Variants in CPNE4 observed in about 807,000 individuals in gnomAD.
CPNE4 encodes the protein copine-4.
Under a neutral mutation model 67.9 loss-of-function variants are expected in CPNE4, and 25 were observed. That is an observed-to-expected ratio of 0.37 (90% CI 0.27 to 0.51). The LOEUF is 0.51. Among genes scored for constraint, CPNE4 ranks in the 20% least tolerant of loss-of-function variants. The pLI, the probability that CPNE4 is intolerant of heterozygous loss-of-function variation, is 0.93. For synonymous variants in CPNE4, 242 were observed against 244.9 expected, an observed-to-expected ratio of 0.99 and a Z score of 0.11; for missense variants, 464 against 690.8, an observed-to-expected ratio of 0.67 and a Z score of 3.68.
chr3:132,015,402 C>G (rs1377265696), intron 1 of CPNE4, among the ~76,000 whole-genome samples: 2 of 152,104 alleles, frequency 1.3e-5, no homozygotes, highest in African/African-American at 4.8e-5. Context: ...ACCCTTTCAA[C>G]CAAGTTTCAC....
intron 1 of CPNE4, among the ~76,000 whole-genome samples, chr3:131,976,421 T>C (rs1016888364): frequency 1.3e-5 from 2 of 152,124 alleles, no homozygotes; most frequent in Non-Finnish European, 2.9e-5. Flanking sequence ...ATGTGGCAAT[T>C]TGGGTCTGAG....
At chr3:131,645,941 G>C (rs538990668) in intron 7 of CPNE4, among the ~76,000 whole-genome samples, 7 of 152,250 alleles carry the variant, frequency 4.6e-5, no homozygotes, top group African/African-American at 1.7e-4. Flanking sequence ...AAAGGCTCAG[G>C]AGGCTCAAGA....
chr3:131,892,850 T>C (rs907626319), intron 2 of CPNE4, among the ~76,000 whole-genome samples: 1 of 151,046 alleles, frequency 6.6e-6, no homozygotes, highest in African/African-American at 2.4e-5. Flanking sequence ...AGAAAGAGAA[T>C]GGAAATATAG....
intron 1 of CPNE4, among the ~76,000 whole-genome samples, chr3:131,922,829 A>G (rs188856979): frequency 1.3e-5 from 2 of 152,338 alleles, no homozygotes; most frequent in East Asian, 3.9e-4. Flanking sequence ...TGTATCCTCT[A>G]AAAGTGTTAT....
At chr3:131,738,443 TAAAGG>T (rs2082287141) in intron 2 of CPNE4, among the ~76,000 whole-genome samples, 1 of 145,928 alleles carries the variant, frequency 6.9e-6, no homozygotes, top group South Asian at 2.3e-4. Flanking sequence ...TTTGGCTCCA[TAAAGG>T]AAGACCTTTC....
intron 1 of CPNE4, among the ~76,000 whole-genome samples, chr3:131,964,589 A>G (rs997946500): frequency 2.6e-5 from 4 of 151,846 alleles, no homozygotes; most frequent in Admixed American, 6.6e-5. Flanking sequence ...ACGAGCATCA[A>G]TAGCTGAATC....
chr3:131,822,474 T>A (rs777475660), intron 2 of CPNE4, among the ~76,000 whole-genome samples: 1 of 152,338 alleles, frequency 6.6e-6, no homozygotes, highest in East Asian at 1.9e-4. Context: ...TTCATATCCA[T>A]ATATAATTCA....
At chr3:131,956,851 A>G (rs9869084) in intron 1 of CPNE4, among the ~76,000 whole-genome samples, 78,629 of 152,014 alleles carry the variant, frequency 0.52, 21,736 homozygotes, top group Admixed American at 0.67. Flanking sequence ...AGAGAAAGAG[A>G]ATTAAAGACT....
At chr3:131,956,893 T>A (rs1413786013) in intron 1 of CPNE4, among the ~76,000 whole-genome samples, 1 of 152,250 alleles carries the variant, frequency 6.6e-6, no homozygotes, top group African/African-American at 2.4e-5. Context: ...TTAGCCTTGT[T>A]ATATTCTTCA....
At chr3:131,590,316 C>T (rs1488213525) in intron 7 of CPNE4, among the ~76,000 whole-genome samples, 2 of 152,126 alleles carry the variant, frequency 1.3e-5, no homozygotes, top group Non-Finnish European at 2.9e-5. Flanking sequence ...GACAGCTTGA[C>T]AGGTAAATCT....
intron 1 of CPNE4, among the ~76,000 whole-genome samples, chr3:131,947,735 C>A (rs1173347172): frequency 6.6e-6 from 1 of 152,062 alleles, no homozygotes; most frequent in Non-Finnish European, 1.5e-5. Context: ...GATTTATAAT[C>A]CTTTGGGTAT....
intron 2 of CPNE4, among the ~76,000 whole-genome samples, chr3:131,798,138 A>G (rs866102545): frequency 6.6e-6 from 1 of 152,164 alleles, no homozygotes; most frequent in African/African-American, 2.4e-5. Context: ...TTATCTTCAA[A>G]TACCATCACT....
chr3:131,695,981 A>C (rs186821092), intron 5 of CPNE4, among the ~76,000 whole-genome samples: 38 of 152,296 alleles, frequency 2.5e-4, no homozygotes, highest in African/African-American at 8.4e-4. Flanking sequence ...TGGAATGTCC[A>C]TTTTTGATAT....
chr3:131,535,519 T>C (rs570986888), intron 15 of CPNE4, among the ~76,000 whole-genome samples, 190 bp from the exon 16 acceptor site: 3 of 152,396 alleles, frequency 2.0e-5, no homozygotes, highest in African/African-American at 7.2e-5. Context: ...CATTATTATA[T>C]ATTTTTATGC....
chr3:131,893,777 G>T (rs777908385), intron 2 of CPNE4, among the ~76,000 whole-genome samples: 4 of 151,830 alleles, frequency 2.6e-5, no homozygotes, highest in Non-Finnish European at 5.9e-5. Flanking sequence ...TAAAAAAATG[G>T]AAATGCATCA....
chr3:131,806,833 TC>T (rs1479076292), intron 2 of CPNE4, among the ~76,000 whole-genome samples: 2 of 152,188 alleles, frequency 1.3e-5, no homozygotes, highest in African/African-American at 4.8e-5. Flanking sequence ...ACAAAAGTCT[TC>T]CTGGATTTGT....
chr3:131,632,435 C>T (rs964824467), intron 7 of CPNE4, among the ~76,000 whole-genome samples: 7 of 152,220 alleles, frequency 4.6e-5, no homozygotes, highest in Admixed American at 2.0e-4. Flanking sequence ...TAAGTAACAG[C>T]GTCAGACTTT....
At chr3:131,539,161 A>G (rs1935339839) in intron 15 of CPNE4, among the ~76,000 whole-genome samples, 1 of 152,220 alleles carries the variant, frequency 6.6e-6, no homozygotes, top group Non-Finnish European at 1.5e-5. Context: ...AATGGATTTC[A>G]AAATCTGATT....
chr3:131,666,590 G>A lies in CPNE4; in HGVS notation c.681+3085C>T, dbSNP rs78774679. ...ATTGGCCAAATATGGGACAACTTAA[G>A]ATTTCAAAGGAATTATAATAACTGA... On this transcript the variant is annotated intron_variant, in intron 7 of 15. Coordinates refer to ENST00000429747, the MANE Select transcript of CPNE4 (RefSeq NM_130808.3). Among the ~76,000 whole-genome samples, 1,481 of 152,266 alleles carry A rather than the reference G, an allele frequency of 9.7e-3. 32 individuals are homozygous for A. Among genetic ancestry groups the A allele is most frequent in the African/African-American group, 0.034 (1,416 of 41,552 alleles).
Sources: allele counts gnomAD v4.1 joint callset (sites outside exome capture counted in the v4.1 genomes callset), GRCh38; gene constraint gnomAD v4.1.1; transcripts MANE v1.5; gene names NCBI Gene and HGNC (gene_info 2026-07-23, HGNC 2026-07-21).